Variants in TF observed in about 807,000 individuals in gnomAD.
TF encodes transferrin, also known as serotransferrin.
TF carries 55 observed loss-of-function variants against 82.4 expected under a neutral mutation model. That is an observed-to-expected ratio of 0.67 (90% CI 0.54 to 0.84). The LOEUF is 0.84. Among genes scored for constraint, TF ranks in the 40% least tolerant of loss-of-function variants. The pLI, the probability that TF is intolerant of heterozygous loss-of-function variation, is 0.00. For missense variants in TF, 737 were observed against 868.4 expected (o/e 0.85, Z 1.90); for synonymous variants, 332 against 332.6 (o/e 1.00, Z 0.02).
chr3:133,781,551 CT>C lies in TF; in HGVS notation c.*2934del, dbSNP rs1409356385. ...AAAATAATGTAAAGAAGACATATTG[CT>C]TTGGATAGGAAGACTCAGTATTGTA... On this transcript the variant is annotated 3_prime_UTR_variant, in exon 17 of 17. Coordinates refer to ENST00000402696, the MANE Select transcript of TF (RefSeq NM_001063.4). 1.3e-5 allele frequency: 2 copies of C among 152,114 alleles called. No individual in the cohort carries two copies. The highest frequency in any genetic ancestry group is 4.8e-5 in the African/African-American group (2 of 41,510). The allele number at this position is 152,114 out of a possible 1,614,324, so 9.4% of individuals were successfully genotyped here.
chr3:133,762,627 C>G (rs1431408159), intron 9 of TF, among the ~76,000 whole-genome samples: 1 of 152,016 alleles, frequency 6.6e-6, no homozygotes, highest in Non-Finnish European at 1.5e-5. Context: ...GAACATATCC[C>G]TTGAGGATAA....
chr3:133,787,502 CTAGA>C lies in TF; in HGVS notation c.*8886_*8889del, dbSNP rs1934717437. The C allele has an allele frequency of 6.6e-6, 1 of 152,180 alleles. No individual in the cohort carries two copies. The highest frequency in any genetic ancestry group is 2.4e-5 in the African/African-American group (1 of 41,438). 9.4% of individuals were successfully genotyped at this position (152,180 alleles called of 1,614,324 possible). A position where few individuals can be genotyped will look rare whatever the true frequency, so the allele number is the denominator to read the frequency against. ...AAGTTATATGAAATATCTGGTCTCT[CTAGA>C]TAGTTAGAAATGCTTGATGTATTTA... is the stretch of plus-strand genomic sequence containing the variant. On this transcript the variant is annotated 3_prime_UTR_variant, in exon 17 of 17. Coordinates refer to ENST00000402696, the MANE Select transcript of TF (RefSeq NM_001063.4).
the TF span, among the ~76,000 whole-genome samples, chr3:133,703,722 T>C: frequency 5.3e-5 from 8 of 152,192 alleles, no homozygotes; most frequent in African/African-American, 1.9e-4. Context: ...ATTAGAAAAA[T>C]TAATTGATTA....
At position 133,757,925 on chromosome 3, in the gene TF, C is replaced by G; in HGVS notation, c.1027C>G (p.Arg343Gly). ...YLGYEYVTAI[R>G]NLREGTCPEA... The stretch of plus-strand genomic sequence containing the variant: ...GGGCTATGAGTATGTCACTGCCATC[C>G]GGAATCTACGGGAAGGCACATGTGA... The change falls in exon 8 of 17, where the codon CGG (arginine) becomes GGG (glycine). Residue 343 changes from arginine to glycine, a missense_variant. Physicochemically the swap from Arg to Gly is moderately radical, Grantham distance 125. Transcript: ENST00000402696. 6.2e-7 allele frequency: 1 copy of G among 1,614,158 alleles called. No individual in the cohort carries two copies. The highest frequency in any genetic ancestry group is 8.5e-7 in the Non-Finnish European group (1 of 1,180,032).
chr3:133,716,864 C>T, the TF span, among the ~76,000 whole-genome samples: 3 of 152,160 alleles, frequency 2.0e-5, no homozygotes, highest in Admixed American at 6.5e-5. Flanking sequence ...CTTGGCATCT[C>T]GGCTGTTCCT....
the TF span, among the ~76,000 whole-genome samples, chr3:133,722,483 T>C: frequency 6.6e-6 from 1 of 152,062 alleles, no homozygotes; most frequent in African/African-American, 2.4e-5. Flanking sequence ...GGTAGATTCT[T>C]TGTTTCTTTA....
chr3:133,751,760 G>A (rs368601116), intron 2 of TF, among the ~76,000 whole-genome samples: 120 of 152,250 alleles, frequency 7.9e-4, no homozygotes, highest in African/African-American at 2.7e-3. Flanking sequence ...GGGAGGCCGA[G>A]GCGGGTGGAT....
chr3:133,720,996 T>C, the TF span, among the ~76,000 whole-genome samples: 1 of 152,134 alleles, frequency 6.6e-6, no homozygotes, highest in African/African-American at 2.4e-5. Context: ...GTTTTCTTTG[T>C]TTAGCTAAAG....
chr3:133,788,378 G>C lies in TF; in HGVS notation c.*9758G>C, dbSNP rs567047252. 1 of 152,200 alleles carries C rather than the reference G, an allele frequency of 6.6e-6. No individual in the cohort carries two copies. Among genetic ancestry groups the C allele is most frequent in the African/African-American group, 2.4e-5 (1 of 41,456 alleles). The allele number at this position is 152,200 out of a possible 1,614,324, so 9.4% of individuals were successfully genotyped here. A position where few individuals can be genotyped will look rare whatever the true frequency, so the allele number is the denominator to read the frequency against. ...AAACCTTGAGAGGGTATTTAAACCC[G>C]AGAAAATTCTGTAACTGGGCTCTTG... On this transcript the variant is annotated 3_prime_UTR_variant, in exon 17 of 17. Transcript: ENST00000402696.
chr3:133,730,427 C>G, the TF span, among the ~76,000 whole-genome samples: 2 of 152,188 alleles, frequency 1.3e-5, no homozygotes. Flanking sequence ...ACTCTGTTAT[C>G]CAAAGCCCAG....
the TF span, among the ~76,000 whole-genome samples, chr3:133,694,850 TTTTATTTA>T: frequency 0.19 from 27,760 of 146,838 alleles, 2,847 homozygotes; most frequent in Middle Eastern, 0.24. Context: ...AAGCCTTTAG[TTTTATTTA>T]TTTATTTATT....
chr3:133,720,330 C>CT, the TF span, among the ~76,000 whole-genome samples: 3 of 152,028 alleles, frequency 2.0e-5, no homozygotes, highest in Admixed American at 6.6e-5. Context: ...TTATCAATGC[C>CT]TTTTTTGTGT....
chr3:133,750,006 C>T (rs1271365348), intron 2 of TF, among the ~76,000 whole-genome samples: 1 of 152,192 alleles, frequency 6.6e-6, no homozygotes, highest in Non-Finnish European at 1.5e-5. Context: ...TATTCTCCCG[C>T]AGAGACTGCG....
intron 9 of TF, among the ~76,000 whole-genome samples, chr3:133,760,132 C>T (rs1376809382): frequency 6.6e-6 from 1 of 152,074 alleles, no homozygotes; most frequent in African/African-American, 2.4e-5. Context: ...TCCCCCTCCT[C>T]CCCACATTTC....
the TF span, among the ~76,000 whole-genome samples, chr3:133,671,573 C>G: frequency 6.6e-6 from 1 of 151,846 alleles, no homozygotes; most frequent in Admixed American, 6.6e-5. Context: ...CACTTGAGGC[C>G]AGGAGTTCGA....
At position 133,755,484 on chromosome 3, in the gene TF, G is replaced by A. The variant is rs12769; in HGVS notation, c.624G>A (p.Ser208=). ...CCCTTAACCAATACTTCGGCTACTC[G>A]GGAGCCTTCAAGTGAGTGAGATGTC... ...CSTLNQYFGY[S]GAFKCLKDGA... is the part of the protein sequence containing the mutation. Residue 208 remains serine (S), a synonymous_variant, in exon 5 of 17, where the codon TCG becomes TCA. Transcript: ENST00000402696. The A allele has an allele frequency of 0.32, 514,041 of 1,613,820 alleles. 85,910 individuals carry two copies. The highest frequency in any genetic ancestry group is 0.47 in the East Asian group (21,067 of 44,866).
chr3:133,748,461 G>A lies in TF; in HGVS notation c.93G>A (p.Ser31=), dbSNP rs1291195506. 28 of 1,614,014 alleles carry A rather than the reference G, an allele frequency of 1.7e-5. No homozygotes were observed. The highest frequency in any genetic ancestry group is 1.3e-4 in the East Asian group (6 of 44,866). The part of the protein sequence containing the change: ...PDKTVRWCAV[S]EHEATKCQSF... ...AAACTGTGAGATGGTGTGCAGTGTC[G>A]GAGCATGAGGCCACTAAGTGCCAGA... The change falls in exon 2 of 17, where the codon TCG becomes TCA. Residue 31 remains serine, a synonymous_variant. Coordinates refer to ENST00000402696, the MANE Select transcript of TF (RefSeq NM_001063.4).
the TF span, among the ~76,000 whole-genome samples, chr3:133,688,822 C>T: frequency 2.0e-5 from 3 of 151,908 alleles, no homozygotes; most frequent in Non-Finnish European, 4.4e-5. Flanking sequence ...CTAGAAAATA[C>T]AGTAGAATCA....
At chr3:133,749,462 A>G (rs76351673) in intron 2 of TF, among the ~76,000 whole-genome samples, 1,842 of 152,308 alleles carry the variant, frequency 0.012, 38 homozygotes, top group African/African-American at 0.041. Flanking sequence ...GGAGAGCAGA[A>G]AAACACACGA....
Sources: gnomAD v4.1 joint callset for allele counts (sites outside exome capture counted in the v4.1 genomes callset) on GRCh38, gnomAD v4.1.1 for gene constraint, MANE v1.5 for transcripts, NCBI Gene and HGNC (gene_info 2026-07-23, HGNC 2026-07-21) for gene names.